Variants in PTDSS1 observed in about 807,000 individuals in gnomAD.
PTDSS1 encodes the protein phosphatidylserine synthase 1, also known as PSS-1.
PTDSS1 carries 45 observed loss-of-function variants against 70.5 expected under a neutral mutation model. The observed-to-expected ratio is 0.64, with a 90% CI of 0.50 to 0.82. PTDSS1 has a LOEUF of 0.82. Among genes scored for constraint, PTDSS1 ranks in the 40% least tolerant of loss-of-function variants. The pLI is 0.00. For missense variants in PTDSS1, 417 were observed against 586.1 expected (o/e 0.71, Z 2.98); for synonymous variants, 188 against 203.8 (o/e 0.92, Z 0.66).
intron 8 of PTDSS1, among the ~76,000 whole-genome samples, chr8:96,307,138 A>G (rs1157499715): frequency 6.6e-6 from 1 of 152,144 alleles, no homozygotes; most frequent in Non-Finnish European, 1.5e-5. Context: ...GACTGGGCCC[A>G]GTGCAGTTCA....
At chr8:96,316,788 G>A (rs1214010056) in intron 9 of PTDSS1, among the ~76,000 whole-genome samples, 1 of 152,042 alleles carries the variant, frequency 6.6e-6, no homozygotes, top group African/African-American at 2.4e-5. Context: ...AGGTCAGGAG[G>A]TCAAGACCAT....
intron 10 of PTDSS1, among the ~76,000 whole-genome samples, chr8:96,327,835 GC>G (rs756332607): frequency 6.6e-6 from 1 of 151,778 alleles, no homozygotes; most frequent in Non-Finnish European, 1.5e-5. Context: ...GTTTCTTCTC[GC>G]CCCCCCGCCC....
chr8:96,320,212 A>G, intron 9 of PTDSS1, 34 bp from the exon 10 acceptor site: 1 of 1,517,282 alleles, frequency 6.6e-7, no homozygotes, highest in Non-Finnish European at 9.2e-7. Context: ...GGTAAGATGG[A>G]TTAATACTTA....
chr8:96,287,100 G>A lies in PTDSS1; in HGVS notation c.395G>A (p.Trp132Ter). 6.2e-7 allele frequency: 1 copy of A among 1,614,042 alleles called. No individual in the cohort carries two copies. The highest frequency in any genetic ancestry group is 8.5e-7 in the Non-Finnish European group (1 of 1,179,964). The change falls in exon 4 of 13, where the codon TGG becomes TAG. Residue 132 changes from tryptophan to a stop codon, truncating the protein, a stop_gained. Transcript: ENST00000517309. LOFTEE classifies it high-confidence loss of function. The stretch of plus-strand genomic sequence containing the variant: ...GAGCAGGTTAAATCTCTAATGTATT[G>A]GCTAGATCCAAATCTTCGATACGCC... ...NFEQVKSLMY[W>*]LDPNLRYATR... is the part of the protein sequence containing the mutation.
intron 10 of PTDSS1, among the ~76,000 whole-genome samples, chr8:96,326,050 A>G (rs1811433987): frequency 6.6e-6 from 1 of 152,152 alleles, no homozygotes; most frequent in South Asian, 2.1e-4. Flanking sequence ...TTGTGTGTTC[A>G]GGACCTTCAT....
At chr8:96,332,726 G>A (rs541047811) in intron 12 of PTDSS1, among the ~76,000 whole-genome samples, 1 of 152,238 alleles carries the variant, frequency 6.6e-6, no homozygotes, top group Non-Finnish European at 1.5e-5. Flanking sequence ...TCTGAGTGGG[G>A]AAAGAATCTC....
intron 2 of PTDSS1, chr8:96,283,791 C>G: frequency 6.8e-6 from 2 of 295,632 alleles, no homozygotes; most frequent in Non-Finnish European, 6.3e-6. Context: ...CACACTTAAG[C>G]CTAGCCTGAT....
At chr8:96,318,256 G>C (rs562743209) in intron 9 of PTDSS1, among the ~76,000 whole-genome samples, 6 of 151,920 alleles carry the variant, frequency 3.9e-5, no homozygotes, top group African/African-American at 7.3e-5. Flanking sequence ...ACCGGGAGGC[G>C]GAGGTTGCAG....
At chr8:96,310,641 T>C (rs1312825564) in intron 9 of PTDSS1, among the ~76,000 whole-genome samples, 1 of 152,138 alleles carries the variant, frequency 6.6e-6, no homozygotes, top group African/African-American at 2.4e-5. Context: ...CCCCATATTA[T>C]TGTCACATCA....
chr8:96,274,482 T>G (rs965805454), intron 2 of PTDSS1, among the ~76,000 whole-genome samples: 7 of 152,090 alleles, frequency 4.6e-5, no homozygotes, highest in Non-Finnish European at 7.4e-5. Flanking sequence ...TCCCAGCACT[T>G]TGGGAAGCCG....
At position 96,325,576 on chromosome 8, in the gene PTDSS1, T is replaced by C. The variant is rs368036995; in HGVS notation, c.1174-4637T>C. On this transcript the variant is annotated intron_variant, in intron 10 of 12. Coordinates refer to ENST00000517309, the MANE Select transcript of PTDSS1 (RefSeq NM_014754.3). Reference sequence around the variant, plus strand: ...TCACTAAGATCTGTTAATTTGACAATGCAGCTCAACTCCATCTCCTCTCCA... The same window carrying C: ...TCACTAAGATCTGTTAATTTGACAACGCAGCTCAACTCCATCTCCTCTCCA... 3.3e-5 allele frequency among the ~76,000 whole-genome samples: 5 copies of C among 152,288 alleles called. No homozygotes were observed. The East Asian group carries it at 7.7e-4, about 24-fold the overall frequency.
At chr8:96,291,439 T>C (rs1008497644) in intron 4 of PTDSS1, among the ~76,000 whole-genome samples, 4 of 150,760 alleles carry the variant, frequency 2.7e-5, no homozygotes, top group East Asian at 3.9e-4. Context: ...AAACCTAAAA[T>C]AGATGGGCTT....
intron 9 of PTDSS1, 61 bp from the exon 10 acceptor site, chr8:96,320,185 G>A (rs1439081770): frequency 1.4e-6 from 2 of 1,395,098 alleles, no homozygotes; most frequent in East Asian, 4.6e-5. Flanking sequence ...GCATATTTTG[G>A]ATAAAGTGTA....
In PTDSS1 at chr8:96,334,440, GGTGA is replaced by G. The variant is rs1253793112; in HGVS notation, c.*877_*880del. 1 of 152,550 alleles carries G rather than the reference GGTGA, an allele frequency of 6.6e-6. No individual in the cohort carries two copies. The highest frequency in any genetic ancestry group is 1.5e-5 in the Non-Finnish European group (1 of 68,070). 9.4% of individuals were successfully genotyped at this position (152,550 alleles called of 1,614,324 possible). A position where few individuals can be genotyped will look rare whatever the true frequency, so the allele number is the denominator to read the frequency against. On this transcript the variant is annotated 3_prime_UTR_variant, in exon 13 of 13. Coordinates refer to ENST00000517309, the MANE Select transcript of PTDSS1 (RefSeq NM_014754.3). ...GTCACTGAGTCCCATGTGAGGTGCT[GGTGA>G]GTATTACCTTTCATCTGTGCCATGC...
intron 8 of PTDSS1, chr8:96,309,074 T>C (rs1430715847): frequency 6.5e-6 from 1 of 153,278 alleles, no homozygotes; most frequent in Non-Finnish European, 1.5e-5. Flanking sequence ...GCTCACTCTC[T>C]GGAGTCACCT....
In PTDSS1 at chr8:96,325,670, A is replaced by G. The variant is rs192359689; in HGVS notation, c.1174-4543A>G. Among the ~76,000 whole-genome samples, 255 of 152,180 alleles carry G rather than the reference A, an allele frequency of 1.7e-3. 1 individual carries two copies. The highest frequency in any genetic ancestry group is 3.4e-3 in the Middle Eastern group (1 of 294). On this transcript the variant is annotated intron_variant, in intron 10 of 12. Coordinates refer to ENST00000517309, the MANE Select transcript of PTDSS1 (RefSeq NM_014754.3). ...ATTCTGCCCTCCAAATCCATTCTCCATGCTGCTGTCAAAATGATCTTCCAA... is the reference window on the plus strand; with the variant it reads ...ATTCTGCCCTCCAAATCCATTCTCCGTGCTGCTGTCAAAATGATCTTCCAA...
intron 4 of PTDSS1, among the ~76,000 whole-genome samples, chr8:96,289,133 C>T (rs1450497291): frequency 6.6e-6 from 1 of 151,884 alleles, no homozygotes; most frequent in South Asian, 2.1e-4. Context: ...CAGGGTTTCA[C>T]CATGTTGGCC....
intron 1 of PTDSS1, among the ~76,000 whole-genome samples, chr8:96,267,700 A>T (rs1810507948): frequency 6.6e-6 from 1 of 152,172 alleles, no homozygotes; most frequent in South Asian, 2.1e-4. Context: ...GATGCCTGTC[A>T]CCTATAGGAA....
chr8:96,289,658 G>T (rs146174871), intron 4 of PTDSS1, among the ~76,000 whole-genome samples: 25 of 152,278 alleles, frequency 1.6e-4, no homozygotes, highest in African/African-American at 6.0e-4. Flanking sequence ...AAAGGAGAAC[G>T]GGAATTTGGG....
Sources: allele counts gnomAD v4.1 joint callset (sites outside exome capture counted in the v4.1 genomes callset), GRCh38; gene constraint gnomAD v4.1.1; transcripts MANE v1.5; gene names NCBI Gene and HGNC (gene_info 2026-07-23, HGNC 2026-07-21).